The following ZFHX3 variants were observed in gnomAD, a reference collection of about 807,000 sequenced individuals.
The protein encoded by ZFHX3 is zinc finger homeobox 3.
ZFHX3 carries 42 observed loss-of-function variants against 279.1 expected under a neutral mutation model. That is an observed-to-expected ratio of 0.15 (90% CI 0.12 to 0.19). The LOEUF is 0.19. Among genes scored for constraint, ZFHX3 ranks in the 10% least tolerant of loss-of-function variants. The pLI, the probability that ZFHX3 is intolerant of heterozygous loss-of-function variation, is 1.00. For synonymous variants in ZFHX3, 2,293 were observed against 1,957.8 expected (o/e 1.17, Z -4.52); for missense variants, 4,981 against 4,754.0 (o/e 1.05, Z -1.40).
At chr16:73,273,564 T>C (rs2014210546) in intron 4 of ZFHX3, among the ~76,000 whole-genome samples, 1 of 152,224 alleles carries the variant, frequency 6.6e-6, no homozygotes, top group East Asian at 1.9e-4. Flanking sequence ...GGACTCATAC[T>C]GAACCACACT....
chr16:72,860,713 A>G (rs1265263373), intron 4 of ZFHX3, among the ~76,000 whole-genome samples: 1 of 152,204 alleles, frequency 6.6e-6, no homozygotes, highest in Non-Finnish European at 1.5e-5. Context: ...TACAGGTGTC[A>G]GCTACCACGC....
At chr16:73,132,514 C>T (rs188592525) in intron 6 of ZFHX3, among the ~76,000 whole-genome samples, 5 of 152,278 alleles carry the variant, frequency 3.3e-5, no homozygotes, top group Admixed American at 3.3e-4. Flanking sequence ...AGTTCCACTC[C>T]TAGCAATTTG....
intron 5 of ZFHX3, among the ~76,000 whole-genome samples, chr16:73,198,184 G>A (rs1264174471): frequency 5.3e-5 from 8 of 151,766 alleles, no homozygotes; most frequent in Admixed American, 1.3e-4. Flanking sequence ...TGATCCGCCC[G>A]CCTCAGGCTC....
In ZFHX3 at chr16:72,799,297, A is replaced by C. The variant is rs191435773; in HGVS notation, c.3968-583T>G. Among the ~76,000 whole-genome samples, 880 of 152,344 alleles carry C rather than the reference A, an allele frequency of 5.8e-3. 5 individuals carry two copies. The highest frequency in any genetic ancestry group is 0.031 in the Middle Eastern group (9 of 292). On this transcript the variant is annotated intron_variant, in intron 8 of 9. Transcript: ENST00000268489. The stretch of plus-strand genomic sequence containing the variant: ...CATCTCTATTCAATAAGCAATTAAC[A>C]TTCAAGTGTTCAATTATTTAAAATA...
intron 1 of ZFHX3, among the ~76,000 whole-genome samples, chr16:73,727,395 AC>A (rs1166368139): frequency 6.6e-6 from 1 of 152,214 alleles, no homozygotes; most frequent in Non-Finnish European, 1.5e-5. Flanking sequence ...GAGGAGAGAA[AC>A]AACCTTCCAT....
chr16:73,545,674 C>T (rs1321621829), intron 2 of ZFHX3, among the ~76,000 whole-genome samples: 1 of 151,968 alleles, frequency 6.6e-6, no homozygotes, highest in South Asian at 2.1e-4. Flanking sequence ...TTATAACATT[C>T]TATTTATCAA....
intron 1 of ZFHX3, chr16:73,015,040 C>CTT (rs67778248): frequency 0.13 from 12,166 of 94,304 alleles, 1,309 homozygotes; most frequent in Non-Finnish European, 0.19. Flanking sequence ...AGAGCTGTGT[C>CTT]TTTTTTTTTT....
rs541154044 is a variant in ZFHX3 at position 73,040,824 on chromosome 16, A to T, written c.-50+6928T>A. On this transcript the variant is annotated intron_variant, in intron 1 of 9. Transcript: ENST00000268489. ...GTATGTGAAGTGGTATGAAGCCCTG[A>T]TTCCTATTTCATTTACTTCCCACTA... Among the ~76,000 whole-genome samples the T allele has an allele frequency of 1.2e-3, 183 of 152,328 alleles. 2 individuals carry two copies. Among genetic ancestry groups the T allele is most frequent in the African/African-American group, 3.9e-3 (163 of 41,576 alleles).
intron 3 of ZFHX3, among the ~76,000 whole-genome samples, chr16:72,927,567 G>A (rs1005056439): frequency 4.6e-5 from 7 of 152,294 alleles, no homozygotes; most frequent in South Asian, 4.1e-4. Flanking sequence ...AAAATATCTC[G>A]TGACTTGGAC....
Position 73,208,969 on chromosome 16 carries a change from AT to A in ZFHX3, c.-1104+48077del, listed in dbSNP as rs953916896. ...ATTGGGTTTTGCCAATGCAATTGCC[AT>A]TTTTTTTGTAAGCAAATCATGGTCA... On this transcript the variant is annotated intron_variant, in intron 5 of 17. Coordinates refer to the ZFHX3 transcript ENST00000641206. Among the ~76,000 whole-genome samples, 6 of 152,064 alleles carry A rather than the reference AT, an allele frequency of 3.9e-5. No individual in the cohort carries two copies. In the South Asian group the frequency reaches 6.2e-4, roughly 16 times the overall value.
intron 3 of ZFHX3, among the ~76,000 whole-genome samples, chr16:72,911,532 C>T (rs2039316511): frequency 1.3e-5 from 2 of 152,156 alleles, no homozygotes; most frequent in African/African-American, 2.4e-5. Flanking sequence ...AGAGAAACAA[C>T]GTGTCGGGGA....
intron 4 of ZFHX3, among the ~76,000 whole-genome samples, chr16:72,861,235 A>C (rs1307422072): frequency 6.6e-6 from 1 of 152,192 alleles, no homozygotes; most frequent in Non-Finnish European, 1.5e-5. Context: ...TTGCATATTT[A>C]AATCGCTATA....
At position 73,482,116 on chromosome 16, in the gene ZFHX3, G is replaced by A. The variant is rs1471586781; in HGVS notation, c.-1546-25858C>T. 4.6e-5 allele frequency among the ~76,000 whole-genome samples: 7 copies of A among 152,222 alleles called. No homozygotes were observed. The South Asian group carries it at 1.2e-3, about 27-fold the overall frequency. On this transcript the variant is annotated intron_variant, in intron 2 of 17. Coordinates refer to the ZFHX3 transcript ENST00000641206. ...CCACTCAGCGCAAGTGTATACGAGT[G>A]GAAAAATGAAGGAAAGGGAAGGGCA...
intron 3 of ZFHX3, among the ~76,000 whole-genome samples, chr16:72,939,995 G>GAA: frequency 6.6e-6 from 1 of 152,272 alleles, no homozygotes; most frequent in African/African-American, 2.4e-5. Flanking sequence ...GGCTGGTCTT[G>GAA]AACTCTCAGG....
chr16:73,514,192 G>C (rs376119590), intron 2 of ZFHX3, among the ~76,000 whole-genome samples: 1 of 151,990 alleles, frequency 6.6e-6, no homozygotes, highest in African/African-American at 2.4e-5. Context: ...AGGTTGCAGT[G>C]AGCCAAGATT....
intron 1 of ZFHX3, among the ~76,000 whole-genome samples, chr16:73,705,766 C>A (rs184536966): frequency 8.5e-5 from 13 of 152,248 alleles, no homozygotes; most frequent in Admixed American, 6.5e-4. Context: ...CCTGTTTTTG[C>A]TGAAGAATTA....
intron 2 of ZFHX3, 95 bp from the exon 3 acceptor site, chr16:72,951,060 G>A (rs1960974125): frequency 2.7e-6 from 4 of 1,502,162 alleles, no homozygotes; most frequent in Admixed American, 2.1e-5. Flanking sequence ...CCTCAACTGG[G>A]GTCCAAAAGG....
At chr16:73,497,180 G>A (rs541067841) in intron 2 of ZFHX3, among the ~76,000 whole-genome samples, 5 of 152,282 alleles carry the variant, frequency 3.3e-5, no homozygotes, top group Admixed American at 6.5e-5. Context: ...TAATTCAGGG[G>A]GACCCTGGAG....
intron 3 of ZFHX3, among the ~76,000 whole-genome samples, chr16:72,925,047 C>G (rs1375781528): frequency 6.6e-6 from 1 of 152,244 alleles, no homozygotes; most frequent in Non-Finnish European, 1.5e-5. Context: ...AACGGGGACA[C>G]ACAGGTCCCA....
Sources: gnomAD v4.1 joint callset for allele counts (sites outside exome capture counted in the v4.1 genomes callset) on GRCh38, gnomAD v4.1.1 for gene constraint, MANE v1.5 for transcripts, NCBI Gene and HGNC (gene_info 2026-07-23, HGNC 2026-07-21) for gene names.